Variants in CDC42BPG observed in about 807,000 individuals in gnomAD.
The protein encoded by CDC42BPG is serine/threonine-protein kinase MRCK gamma.
In CDC42BPG, 157 loss-of-function variants were observed where a neutral mutation model predicts 192.2. The observed-to-expected ratio is 0.82, with a 90% confidence interval of 0.72 to 0.93. The LOEUF (loss-of-function observed/expected upper bound fraction) is 0.93. Among genes scored for constraint, CDC42BPG ranks in the 40% least tolerant of loss-of-function variants. The pLI, the probability that CDC42BPG is intolerant of heterozygous loss-of-function variation, is 0.00. For synonymous variants in CDC42BPG, 981 were observed against 918.5 expected, an observed-to-expected ratio of 1.07 and a Z score of -1.23; for missense variants, 1,992 against 2,122.1, an observed-to-expected ratio of 0.94 and a Z score of 1.20.
chr11:64,828,824 G>A (rs1942553729), intron 30 of CDC42BPG, among the ~76,000 whole-genome samples: 1 of 152,230 alleles, frequency 6.6e-6, no homozygotes, highest in African/African-American at 2.4e-5. Flanking sequence ...GGCCAAGGCA[G>A]GTGGATCACT....
Position 64,831,703 on chromosome 11 carries a change from C to A in CDC42BPG, c.3106G>T (p.Ala1036Ser). The A allele has an allele frequency of 6.2e-7, 1 of 1,600,522 alleles. No individual in the cohort carries two copies. The highest frequency in any genetic ancestry group is 8.5e-7 in the Non-Finnish European group (1 of 1,176,410). Reference protein sequence around the residue: ...RIFRVTTSQLAVPPTTCTVLL... With the variant: ...RIFRVTTSQLSVPPTTCTVLL... ...ACAGTGCACGTGGTGGGCGGCACTG[C>A]CAGCTGGGAGGTTGTCACCTGTGGG... The change falls in exon 28 of 37, where the codon GCA becomes TCA. Residue 1036 changes from alanine to serine, a missense_variant. By Grantham distance (99) the Ala-to-Ser change is moderately conservative (BLOSUM62 1). Around this residue, in one of 2 missense-constraint regions of CDC42BPG, gnomAD observed 1,656 missense variants for 1,844.3 expected, o/e 0.90. Coordinates refer to ENST00000342711, the MANE Select transcript of CDC42BPG (RefSeq NM_017525.3).
intron 29 of CDC42BPG, 57 bp from the exon 30 acceptor site, chr11:64,830,127 C>T (rs1231933671): frequency 6.2e-7 from 1 of 1,611,444 alleles, no homozygotes; most frequent in Admixed American, 1.7e-5. Context: ...GTGACCCATC[C>T]CCATCCTCCT....
At position 64,840,141 on chromosome 11, in the gene CDC42BPG, T is replaced by G. The variant is rs1247955417; in HGVS notation, c.560A>C (p.His187Pro). The G allele has an allele frequency of 3.1e-6, 5 of 1,612,696 alleles. No individual in the cohort carries two copies. Among genetic ancestry groups the G allele is most frequent in the Non-Finnish European group, 4.2e-6 (5 of 1,179,724 alleles). Residue 187 changes from histidine (H) to proline (P), a missense_variant, in exon 5 of 37, where the codon CAC (histidine) becomes CCC (proline). His to Pro is a moderately conservative substitution (Grantham distance 77). Around this residue, in one of 2 missense-constraint regions of CDC42BPG, gnomAD observed 1,656 missense variants for 1,844.3 expected, o/e 0.90. Coordinates refer to ENST00000342711, the MANE Select transcript of CDC42BPG (RefSeq NM_017525.3). ...CCACCTGTGGACATAACCCAGCTGG[T>G]GCAGCGAGTGGATGGCCAGCACCAT... ...AEMVLAIHSL[H>P]QLGYVHRDVK...
chr11:64,839,109 T>A lies in CDC42BPG; in HGVS notation c.800A>T (p.Tyr267Phe), dbSNP rs767620501. The change falls in exon 7 of 37, where the codon TAT becomes TTT. Residue 267 changes from tyrosine to phenylalanine, a missense_variant. Physicochemically the swap from Tyr to Phe is conservative, Grantham distance 22. This residue lies in a region of CDC42BPG where 1,656 missense variants were observed against 1,844.3 expected (regional missense o/e 0.90). Transcript: ENST00000342711. ...CDWWSLGVCA[Y>F]ELLFGETPFY... is the part of the protein sequence containing the mutation. ...GGGCGTCTCCCCAAAGAGCAGCTCA[T>A]AGGCGCAGACTCCAAGCGACCACCA... is the stretch of plus-strand genomic sequence containing the variant. 1 of 1,613,606 alleles carries A rather than the reference T, an allele frequency of 6.2e-7. No homozygotes were observed. Among genetic ancestry groups the A allele is most frequent in the South Asian group, 1.1e-5 (1 of 91,090 alleles).
intron 5 of CDC42BPG, among the ~76,000 whole-genome samples, 178 bp from the exon 6 acceptor site, chr11:64,839,749 G>A (rs981099678): frequency 6.6e-6 from 1 of 152,112 alleles, no homozygotes; most frequent in Non-Finnish European, 1.5e-5. Flanking sequence ...CAGGCCAGAA[G>A]GAGGAAGATG....
At chr11:64,842,509 A>G (rs1175616580) in intron 1 of CDC42BPG, among the ~76,000 whole-genome samples, 1 of 152,178 alleles carries the variant, frequency 6.6e-6, no homozygotes, top group Non-Finnish European at 1.5e-5. Flanking sequence ...CATGGATGCC[A>G]GTCTGCCAAG....
intron 27 of CDC42BPG, 144 bp downstream of exon 27, chr11:64,832,284 G>T: frequency 1.2e-6 from 1 of 867,558 alleles, no homozygotes; most frequent in Non-Finnish European, 1.9e-6. Flanking sequence ...AACGAGGTGA[G>T]ACCGGGCCAG....
intron 36 of CDC42BPG, 140 bp from the exon 37 acceptor site, chr11:64,824,669 G>A (rs553311047): frequency 3.9e-5 from 24 of 612,420 alleles, no homozygotes; most frequent in Non-Finnish European, 7.1e-5. Flanking sequence ...TGTGAGGTGA[G>A]GAGTAGAGGT....
rs151000912 is a variant in CDC42BPG at position 64,829,592 on chromosome 11, G to A, written c.3846C>T (p.Ala1282=). ...SRGGLGEALG[A]VELSLSEFLL... is the part of the protein sequence containing the mutation. Reference sequence around the variant, plus strand: ...GGAACTCGCTGAGGCTAAGCTCCACGGCACCCAGTGCCTCACCCAGGCCCC... The same window carrying A: ...GGAACTCGCTGAGGCTAAGCTCCACAGCACCCAGTGCCTCACCCAGGCCCC... Residue 1282 remains alanine (A), a synonymous_variant, in exon 30 of 37, where the codon GCC becomes GCT. Coordinates refer to ENST00000342711, the MANE Select transcript of CDC42BPG (RefSeq NM_017525.3). 1.5e-4 allele frequency: 236 copies of A among 1,612,218 alleles called. No homozygotes were observed. Among genetic ancestry groups the A allele is most frequent in the Admixed American group, 1.8e-4 (11 of 59,870 alleles).
In CDC42BPG at chr11:64,833,838, T is replaced by TG. The variant is rs1327180080; in HGVS notation, c.2467-3dup. 1.2e-6 allele frequency: 2 copies of TG among 1,614,124 alleles called. No individual in the cohort carries two copies. Among genetic ancestry groups the TG allele is most frequent in the Admixed American group, 3.3e-5 (2 of 60,008 alleles). On this transcript the variant is annotated splice_region_variant and splice_polypyrimidine_tract_variant and intron_variant, in intron 21 of 36. Transcript: ENST00000342711. Reference sequence around the variant, plus strand: ...GCCAGGGTCCTTGGCAGAATCCTTCTGGGGGTGGGAGAGAGAGGAGCAAAG... The same window carrying TG: ...GCCAGGGTCCTTGGCAGAATCCTTCTGGGGGGTGGGAGAGAGAGGAGCAAAG...
chr11:64,832,442 G>A lies in CDC42BPG; in HGVS notation c.3073C>T (p.Pro1025Ser). The A allele has an allele frequency of 6.2e-7, 1 of 1,613,990 alleles. No homozygotes were observed. Residue 1025 changes from proline (P) to serine (S), a missense_variant, in exon 27 of 37, where the codon CCA (proline) becomes TCA (serine). Coordinates refer to ENST00000342711, the MANE Select transcript of CDC42BPG (RefSeq NM_017525.3). ...CAGGCACTCACCCTAAAGATGCGTG[G>A]CAGGTCCCTGGATTGGGCATGGATA... ...DVIHAQSRDL[P>S]RIFRVTTSQL...
rs968998630 is a variant in CDC42BPG at position 64,841,921 on chromosome 11, C to A, written c.161-17G>T. On this transcript the variant is annotated splice_polypyrimidine_tract_variant and intron_variant, in intron 1 of 36. Coordinates refer to ENST00000342711, the MANE Select transcript of CDC42BPG (RefSeq NM_017525.3). Reference sequence around the variant, plus strand: ...AGGGGCTGGCTGAGGGGACACAGGGCGGGACTCAGAGTGCAGGGAGGGAGG... The same window carrying A: ...AGGGGCTGGCTGAGGGGACACAGGGAGGGACTCAGAGTGCAGGGAGGGAGG... 6.4e-6 allele frequency: 10 copies of A among 1,573,270 alleles called. No homozygotes were observed. Among genetic ancestry groups the A allele is most frequent in the East Asian group, 4.7e-5 (2 of 42,398 alleles).
At chr11:64,835,235 C>T (rs934156010) in intron 16 of CDC42BPG, 82 bp from the exon 17 acceptor site, 37 of 1,603,230 alleles carry the variant, frequency 2.3e-5, no homozygotes, top group East Asian at 1.1e-4. Context: ...CCCAGCACCC[C>T]GAGCCCCGTC....
In CDC42BPG at chr11:64,826,533, G is replaced by C. The variant is rs760002344; in HGVS notation, c.4536C>G (p.Ser1512=). 6.2e-7 allele frequency: 1 copy of C among 1,602,952 alleles called. No individual in the cohort carries two copies. Among genetic ancestry groups the C allele is most frequent in the Non-Finnish European group, 8.5e-7 (1 of 1,175,230 alleles). ...ADPMKRKPWT[S]LSSESVSCPQ... is the part of the protein sequence containing the mutation. ...GGCAGGACACAGACTCGCTGGACAG[G>C]GATGTCCAGGGTTTCCTCTTCACTG... The change falls in exon 36 of 37, where the codon TCC becomes TCG. Residue 1512 remains serine (S), a synonymous_variant. Transcript: ENST00000342711.
rs756825767 is a variant in CDC42BPG at position 64,826,453 on chromosome 11, C to G, written c.4599+17G>C. On this transcript the variant is annotated intron_variant, in intron 36 of 36. Coordinates refer to ENST00000342711, the MANE Select transcript of CDC42BPG (RefSeq NM_017525.3). ...ACGTTTGAATAGGGGACGGACAAGC[C>G]TCCCGGACCCGCTCACCTGCATTAG... The G allele has an allele frequency of 6.4e-7, 1 of 1,570,270 alleles. No homozygotes were observed. Among genetic ancestry groups the G allele is most frequent in the Admixed American group, 1.8e-5 (1 of 54,618 alleles).
rs200521831 is a variant in CDC42BPG, at chr11:64,829,975, C to A, written c.3463G>T (p.Val1155Leu). 6.2e-7 allele frequency: 1 copy of A among 1,612,836 alleles called. No individual in the cohort carries two copies. The highest frequency in any genetic ancestry group is 1.1e-5 in the South Asian group (1 of 91,070). ...LVVLCGRGPS[V>L]RLFALAELEN... ...AGCTCCGCCAGGGCAAAGAGACGCA[C>A]GCTGGGGCCGCGGCCACACAGCACG... The change falls in exon 30 of 37, where the codon GTG becomes TTG. Residue 1155 changes from valine (V) to leucine (L), a missense_variant. By Grantham distance (32) the Val-to-Leu change is conservative. Transcript: ENST00000342711.
intron 18 of CDC42BPG, 36 bp from the exon 19 acceptor site, chr11:64,834,613 T>C: frequency 3.3e-6 from 5 of 1,507,556 alleles, no homozygotes; most frequent in Non-Finnish European, 4.4e-6. Context: ...AGATGCTTTC[T>C]AGGCCTGGCT....
At chr11:64,843,848 T>C (rs1943386900) in intron 1 of CDC42BPG, among the ~76,000 whole-genome samples, 1 of 152,006 alleles carries the variant, frequency 6.6e-6, no homozygotes, top group Non-Finnish European at 1.5e-5. Context: ...GCTGCAGTGG[T>C]CTTGTACCCA....
intron 4 of CDC42BPG, 97 bp from the exon 5 acceptor site, chr11:64,840,365 C>A: frequency 6.6e-7 from 1 of 1,516,624 alleles, no homozygotes; most frequent in South Asian, 1.2e-5. Flanking sequence ...CCTGCATCTC[C>A]CAGCAGCTCT....
Sources: allele counts gnomAD v4.1 joint callset (sites outside exome capture counted in the v4.1 genomes callset), GRCh38; gene constraint gnomAD v4.1.1; regional missense constraint gnomAD v4.1.1; transcripts MANE v1.5; gene names NCBI Gene and HGNC (gene_info 2026-07-23, HGNC 2026-07-21).